NOS1: variants seen among roughly 807,000 people sequenced by gnomAD.
The protein encoded by NOS1 is NOS type I.
NOS1 carries 51 observed loss-of-function variants against 164.5 expected under a neutral mutation model. The observed-to-expected ratio is 0.31, with a 90% CI of 0.25 to 0.39. The LOEUF (loss-of-function observed/expected upper bound fraction) is 0.39, where lower values mean the gene tolerates loss of function less well. Among genes scored for constraint, NOS1 ranks in the 10% least tolerant of loss-of-function variants. The pLI, the probability that NOS1 is intolerant of heterozygous loss-of-function variation, is 1.00. For missense variants in NOS1, 1,362 were observed against 1,885.6 expected (o/e 0.72, Z 5.14); for synonymous variants, 719 against 745.8 (o/e 0.96, Z 0.59).
chr12:117,311,103 C>A (rs183815510), intron 3 of NOS1, among the ~76,000 whole-genome samples: 1 of 152,306 alleles, frequency 6.6e-6, no homozygotes, highest in African/African-American at 2.4e-5. Flanking sequence ...GGACCTCAAG[C>A]TATCCTCCGC....
At position 117,347,805 on chromosome 12, in the gene NOS1, G is replaced by A. The variant is rs118185159; in HGVS notation, c.-421+13707C>T. Among the ~76,000 whole-genome samples the A allele has an allele frequency of 6.6e-3, 1,008 of 152,268 alleles. 11 individuals are homozygous for A. Among genetic ancestry groups the A allele is most frequent in the East Asian group, 0.033 (173 of 5,172 alleles). ...GGTTAAATCTACTGAGAGTGACGCA[G>A]CACTTTGCACGATCATCTTGAAGTC... On this transcript the variant is annotated intron_variant, in intron 1 of 28. Coordinates refer to ENST00000317775, the MANE Select transcript of NOS1 (RefSeq NM_000620.5).
At chr12:117,220,328 C>G in intron 26 of NOS1, 59 bp from the exon 27 acceptor site, 3 of 1,491,748 alleles carry the variant, frequency 2.0e-6, no homozygotes, top group Non-Finnish European at 2.7e-6. Context: ...CTGCCATAGC[C>G]CATGTCTGCC....
intron 8 of NOS1, 57 bp downstream of exon 8, chr12:117,280,668 G>GGGCAAAA: frequency 6.4e-7 from 1 of 1,559,490 alleles, no homozygotes; most frequent in Non-Finnish European, 8.7e-7. Flanking sequence ...AAAAGTCTGT[G>GGGCAAAA]GTCTGGGGAC....
At chr12:117,293,014 C>T (rs1029434675) in intron 3 of NOS1, among the ~76,000 whole-genome samples, 3 of 152,138 alleles carry the variant, frequency 2.0e-5, no homozygotes, top group African/African-American at 7.2e-5. Context: ...ACGTGCTAGC[C>T]AGGCAAGGAA....
intron 2 of NOS1, among the ~76,000 whole-genome samples, chr12:117,328,582 G>A (rs953135526): frequency 6.0e-5 from 9 of 150,684 alleles, no homozygotes; most frequent in Admixed American, 2.0e-4. Flanking sequence ...TTTTTGAGAC[G>A]CAGTCTTGCT....
intron 3 of NOS1, among the ~76,000 whole-genome samples, chr12:117,308,942 AAAT>A (rs1162831963): frequency 7.9e-5 from 12 of 152,154 alleles, no homozygotes; most frequent in Admixed American, 3.3e-4. Context: ...ATTTATGTAA[AAAT>A]TTGAAACATT....
At chr12:117,293,242 G>A (rs1873178322) in intron 3 of NOS1, among the ~76,000 whole-genome samples, 1 of 152,186 alleles carries the variant, frequency 6.6e-6, no homozygotes, top group Admixed American at 6.5e-5. Flanking sequence ...GCAGCACAGG[G>A]AACACACGGA....
At chr12:117,340,617 C>T (rs556605141) in intron 1 of NOS1, among the ~76,000 whole-genome samples, 3 of 152,270 alleles carry the variant, frequency 2.0e-5, no homozygotes, top group South Asian at 4.1e-4. Flanking sequence ...GCAACCTCTG[C>T]CTCCCAGGTT....
chr12:117,341,259 T>C (rs999037223), intron 1 of NOS1, among the ~76,000 whole-genome samples: 7 of 152,176 alleles, frequency 4.6e-5, no homozygotes, highest in Non-Finnish European at 8.8e-5. Context: ...ATGACTGTCA[T>C]TGGCTCCTTT....
At chr12:117,286,029 T>A (rs1592989314) in intron 6 of NOS1, 75 bp downstream of exon 6, 3 of 1,537,762 alleles carry the variant, frequency 2.0e-6, no homozygotes, top group Non-Finnish European at 2.7e-6. Flanking sequence ...CTTATCCTTT[T>A]TAAAGCTCCA....
chr12:117,341,235 T>TCCCATGGGAGTCGATGACTGTCATTGG (rs1241466024), intron 1 of NOS1, among the ~76,000 whole-genome samples: 1 of 152,130 alleles, frequency 6.6e-6, no homozygotes, highest in Non-Finnish European at 1.5e-5. Context: ...TGGTCCTGTC[T>TCCCATGGGAGTCGATGACTGTCATTGG]CCCATGGGAG....
chr12:117,224,179 T>C (rs1483093260), intron 25 of NOS1, among the ~76,000 whole-genome samples: 1 of 152,252 alleles, frequency 6.6e-6, no homozygotes, highest in Non-Finnish European at 1.5e-5. Context: ...AAGGTTTTCA[T>C]TTCTATTTTA....
At position 117,234,789 on chromosome 12, in the gene NOS1, A is replaced by G; in HGVS notation, c.3042-31T>C. On this transcript the variant is annotated intron_variant, in intron 20 of 28. Transcript: ENST00000317775. The surrounding 1 kb of genome is among the most constrained non-coding windows in gnomAD (Gnocchi z 4.3). ...GGAAATTGCAGAGGAATCATAGGAC[A>G]AGGGCCAGCAGCTACTTCCTCCTTT... The G allele has an allele frequency of 6.3e-7, 1 of 1,574,928 alleles. No homozygotes were observed. Among genetic ancestry groups the G allele is most frequent in the Non-Finnish European group, 8.7e-7 (1 of 1,153,774 alleles).
intron 1 of NOS1, among the ~76,000 whole-genome samples, chr12:117,355,437 C>T (rs1482083702): frequency 1.3e-5 from 2 of 152,100 alleles, no homozygotes; most frequent in African/African-American, 4.8e-5. Flanking sequence ...GTGGGAAGTG[C>T]GTCCTGGGGT....
Position 117,212,439 on chromosome 12 carries a change from A to T in NOS1, c.*2870T>A. On this transcript the variant is annotated 3_prime_UTR_variant, in exon 29 of 29. Transcript: ENST00000317775. ...GCTGTCTCACTCCAGGGAAACCAAA[A>T]GAAGCCCTCTCTCCTCCCAAGGAGT... The T allele has an allele frequency of 1.0e-6, 1 of 985,460 alleles. No individual in the cohort carries two copies. The highest frequency in any genetic ancestry group is 1.7e-5 in the African/African-American group (1 of 57,362). The allele number at this position is 985,460 out of a possible 1,614,324, so 61.0% of individuals were successfully genotyped here.
Position 117,215,267 on chromosome 12 carries a change from C to A in NOS1, c.*42G>T. On this transcript the variant is annotated 3_prime_UTR_variant, in exon 29 of 29. Coordinates refer to ENST00000317775, the MANE Select transcript of NOS1 (RefSeq NM_000620.5). ...GAGGAAAGGTTCAGCAGTGTCTGTC[C>A]GCGCTTACAAAACTTGCAGCCGGCT... The A allele has an allele frequency of 1.3e-6, 2 of 1,526,018 alleles. No individual in the cohort carries two copies. Among genetic ancestry groups the A allele is most frequent in the Admixed American group, 2.0e-5 (1 of 49,250 alleles). 94.5% of individuals were successfully genotyped at this position (1,526,018 alleles called of 1,614,324 possible). A position where few individuals can be genotyped will look rare whatever the true frequency, so the allele number is the denominator to read the frequency against.
chr12:117,291,696 G>C lies in NOS1; in HGVS notation c.853-1270C>G, dbSNP rs539264517. Among the ~76,000 whole-genome samples the C allele has an allele frequency of 5.3e-5, 8 of 152,066 alleles. No individual in the cohort carries two copies. The South Asian group carries it at 1.5e-3, about 28-fold the overall frequency. On this transcript the variant is annotated intron_variant, in intron 3 of 28. Coordinates refer to ENST00000317775, the MANE Select transcript of NOS1 (RefSeq NM_000620.5). ...CTACAGGTGCGTGTCACCATGCCCA[G>C]CTAATTTCTTATATATTTTGTAGAG... is the stretch of plus-strand genomic sequence containing the variant.
intron 2 of NOS1, among the ~76,000 whole-genome samples, chr12:117,318,573 A>G (rs1369562875): frequency 2.6e-5 from 4 of 152,158 alleles, no homozygotes; most frequent in African/African-American, 9.7e-5. Flanking sequence ...GATCCTTCCA[A>G]CTGAGGCTTC....
Position 117,215,207 on chromosome 12 carries a change from G to T in NOS1, c.*102C>A. 1 of 1,382,426 alleles carries T rather than the reference G, an allele frequency of 7.2e-7. No homozygotes were observed. The highest frequency in any genetic ancestry group is 2.1e-5 in the South Asian group (1 of 47,966). The allele number at this position is 1,382,426 out of a possible 1,614,324, so 85.6% of individuals were successfully genotyped here. On this transcript the variant is annotated 3_prime_UTR_variant, in exon 29 of 29. Transcript: ENST00000317775. ...AGGGAAACCAGGGCACAGCGACAAG[G>T]ACAGGAGGCAGAGCGAGGGCCACAG...
Sources: gnomAD v4.1 joint callset for allele counts (sites outside exome capture counted in the v4.1 genomes callset) on GRCh38, gnomAD v4.1.1 for gene constraint, Gnocchi (gnomAD v3.1) non-coding constraint, MANE v1.5 for transcripts, NCBI Gene and HGNC (gene_info 2026-07-23, HGNC 2026-07-21) for gene names.